Variants in RNF38 observed in about 807,000 individuals in gnomAD.
RNF38 encodes the protein ring finger protein 38.
In RNF38, 15 loss-of-function variants were observed where a neutral mutation model predicts 67.2. That is an observed-to-expected ratio of 0.22 (90% CI 0.15 to 0.34). RNF38 has a LOEUF of 0.34. Among genes scored for constraint, RNF38 ranks in the 10% least tolerant of loss-of-function variants. The pLI is 1.00. For missense variants in RNF38, 524 were observed against 639.9 expected (o/e 0.82, Z 1.95); for synonymous variants, 220 against 218.8 (o/e 1.01, Z -0.05).
At chr9:36,348,871 CG>C (rs766516592) in intron 9 of RNF38, among the ~76,000 whole-genome samples, 1 of 152,194 alleles carries the variant, frequency 6.6e-6, no homozygotes, top group Admixed American at 6.5e-5. Context: ...TCAATGTAGA[CG>C]GAACAGCCCT....
chr9:36,409,279 A>G (rs1793503856), intron 2 of RNF38, among the ~76,000 whole-genome samples: 1 of 151,674 alleles, frequency 6.6e-6, no homozygotes, highest in Non-Finnish European at 1.5e-5. Flanking sequence ...AGAAGGAAAG[A>G]AAGAAAGAAA....
At chr9:36,478,817 C>CAAA (rs58286962) in intron 1 of RNF38, among the ~76,000 whole-genome samples, 2 of 106,058 alleles carry the variant, frequency 1.9e-5, no homozygotes, top group Non-Finnish European at 2.0e-5. Context: ...AACGCTGTCT[C>CAAA]AAAAAAAAAA....
chr9:36,380,924 G>GA (rs1357143874), intron 2 of RNF38, among the ~76,000 whole-genome samples: 3 of 152,178 alleles, frequency 2.0e-5, no homozygotes, highest in African/African-American at 7.2e-5. Context: ...TAGAAGATAA[G>GA]GCCTTATGAC....
At chr9:36,412,757 GAA>G (rs1838358840) in intron 2 of RNF38, among the ~76,000 whole-genome samples, 1 of 152,204 alleles carries the variant, frequency 6.6e-6, no homozygotes, top group African/African-American at 2.4e-5. Context: ...CCAACATGGT[GAA>G]ATCCCATCTC....
At chr9:36,467,946 T>C (rs1187052932) in intron 1 of RNF38, among the ~76,000 whole-genome samples, 1 of 152,088 alleles carries the variant, frequency 6.6e-6, no homozygotes, top group Non-Finnish European at 1.5e-5. Flanking sequence ...TCAGGACTAG[T>C]AAAGGCAGAA....
chr9:36,473,805 T>C (rs1457015783), intron 1 of RNF38, among the ~76,000 whole-genome samples: 2 of 148,782 alleles, frequency 1.3e-5, no homozygotes, highest in Admixed American at 6.8e-5. Context: ...GCCAAGATGG[T>C]GAAACCCCGT....
At chr9:36,394,634 C>G (rs747708054) in intron 1 of RNF38, among the ~76,000 whole-genome samples, 1 of 152,184 alleles carries the variant, frequency 6.6e-6, no homozygotes, top group Non-Finnish European at 1.5e-5. Context: ...CATCTTTATA[C>G]ACTGAACATC....
At position 36,340,589 on chromosome 9, in the gene RNF38, C is replaced by G. The variant is rs998099104; in HGVS notation, c.1486-775G>C. On this transcript the variant is annotated intron_variant, in intron 11 of 11. Transcript: ENST00000259605. Reference sequence around the variant, plus strand: ...GTTTCACTAAGTTGCCCAGGCTGGTCTCAAACTCCAGGCCTCAAATGATCC... The same window carrying G: ...GTTTCACTAAGTTGCCCAGGCTGGTGTCAAACTCCAGGCCTCAAATGATCC... Among the ~76,000 whole-genome samples, 5 of 152,216 alleles carry G rather than the reference C, an allele frequency of 3.3e-5. No homozygotes were observed. In the East Asian group the frequency reaches 5.8e-4, roughly 18 times the overall value.
At chr9:36,389,878 G>A (rs1836937049) in intron 2 of RNF38, among the ~76,000 whole-genome samples, 1 of 152,192 alleles carries the variant, frequency 6.6e-6, no homozygotes, top group African/African-American at 2.4e-5. Flanking sequence ...GCTTCTCTAG[G>A]AATATGGATT....
intron 1 of RNF38, among the ~76,000 whole-genome samples, chr9:36,458,915 G>A (rs1355000091): frequency 6.6e-6 from 1 of 152,176 alleles, no homozygotes; most frequent in Non-Finnish European, 1.5e-5. Context: ...CTGTAAGACA[G>A]AAAGATTGCC....
At chr9:36,422,937 C>A (rs1445519506) in intron 2 of RNF38, among the ~76,000 whole-genome samples, 1 of 152,168 alleles carries the variant, frequency 6.6e-6, no homozygotes, top group Non-Finnish European at 1.5e-5. Context: ...GGTCTGGAGA[C>A]AACCCGGAGG....
intron 9 of RNF38, among the ~76,000 whole-genome samples, chr9:36,346,002 G>A (rs1171351886): frequency 1.3e-5 from 2 of 152,114 alleles, no homozygotes; most frequent in Non-Finnish European, 2.9e-5. Context: ...ATGGAATACT[G>A]TCAAGATCCA....
At chr9:36,424,217 T>C (rs1027218070) in intron 2 of RNF38, among the ~76,000 whole-genome samples, 1 of 152,172 alleles carries the variant, frequency 6.6e-6, no homozygotes. Context: ...CATAATTCAA[T>C]GCAATTAATG....
Position 36,351,144 on chromosome 9 carries a change from C to T in RNF38, c.1234G>A (p.Val412Ile), listed in dbSNP as rs768307809. ...TAATTTTCTACTTCTCCATCTTCTACATCTAATTCAAAGCTGAAAGTTGGG... is the reference window on the plus strand; with the variant it reads ...TAATTTTCTACTTCTCCATCTTCTATATCTAATTCAAAGCTGAAAGTTGGG... The part of the protein sequence containing the change: ...VGPTFSFELD[V>I]EDGEVENYEA... Residue 412 changes from valine to isoleucine, a missense_variant, in exon 9 of 12, where the codon GTA becomes ATA. Physicochemically the swap from Val to Ile is conservative, Grantham distance 29 (BLOSUM62 3). Around this residue, in one of 2 missense-constraint regions of RNF38, gnomAD observed 461 missense variants for 517.4 expected, o/e 0.89. Transcript: ENST00000259605. 1 of 1,612,670 alleles carries T rather than the reference C, an allele frequency of 6.2e-7. No individual in the cohort carries two copies. Among genetic ancestry groups the T allele is most frequent in the South Asian group, 1.1e-5 (1 of 90,736 alleles).
At chr9:36,341,147 G>A (rs1225980432) in intron 11 of RNF38, among the ~76,000 whole-genome samples, 2 of 152,220 alleles carry the variant, frequency 1.3e-5, no homozygotes, top group Admixed American at 6.5e-5. Context: ...ACAACAAGCC[G>A]CTCATTGATT....
At chr9:36,358,470 T>C (rs1398286350) in intron 4 of RNF38, among the ~76,000 whole-genome samples, 1 of 152,222 alleles carries the variant, frequency 6.6e-6, no homozygotes, top group Non-Finnish European at 1.5e-5. Flanking sequence ...CAATTACATA[T>C]AAAATGTCAC....
At chr9:36,477,821 CA>C (rs34504795) in intron 1 of RNF38, among the ~76,000 whole-genome samples, 77 of 110,396 alleles carry the variant, frequency 7.0e-4, no homozygotes, top group African/African-American at 9.3e-4. Context: ...GACTCTGTCT[CA>C]AAAAAAAAAA....
chr9:36,412,756 T>C (rs1324983957), intron 2 of RNF38, among the ~76,000 whole-genome samples: 1 of 152,102 alleles, frequency 6.6e-6, no homozygotes, highest in Non-Finnish European at 1.5e-5. Context: ...ACCAACATGG[T>C]GAAATCCCAT....
Position 36,478,817 on chromosome 9 carries a change from C to CAAAA in RNF38, n.241+8487_241+8490dup, listed in dbSNP as rs58286962. 6.6e-5 allele frequency among the ~76,000 whole-genome samples: 7 copies of CAAAA among 106,064 alleles called. No homozygotes were observed. The East Asian group carries it at 1.9e-3, about 29-fold the overall frequency. The allele number at this position is 106,064 out of a possible 152,430, so 69.6% of individuals were successfully genotyped here. ...GGGCAACAAGAGTGAAACGCTGTCT[C>CAAAA]AAAAAAAAAAAAAAAAAAAAGATTA... On this transcript the variant is annotated intron_variant and non_coding_transcript_variant, in intron 1 of 3. Transcript: ENST00000488058.
Sources: allele counts gnomAD v4.1 joint callset (sites outside exome capture counted in the v4.1 genomes callset), GRCh38; gene constraint gnomAD v4.1.1; regional missense constraint gnomAD v4.1.1; transcripts MANE v1.5; gene names NCBI Gene and HGNC (gene_info 2026-07-23, HGNC 2026-07-21).